Variants in GFRA2 observed in about 807,000 individuals in gnomAD.
GFRA2 encodes the protein GDNF family receptor alpha-2.
Under a neutral mutation model 48.3 loss-of-function variants are expected in GFRA2, and 17 were observed. The observed-to-expected ratio is 0.35, with a 90% CI of 0.24 to 0.53. GFRA2 has a LOEUF of 0.53. Ranked by LOEUF, GFRA2 falls within the 20% of genes least tolerant of loss-of-function variation. GFRA2 has a pLI of 0.93. For missense variants in GFRA2, 660 were observed against 637.3 expected, an observed-to-expected ratio of 1.04 and a Z score of -0.38; for synonymous variants, 305 against 257.2, an observed-to-expected ratio of 1.19 and a Z score of -1.78.
chr8:21,734,528 G>A (rs185488340), intron 4 of GFRA2, among the ~76,000 whole-genome samples: 1 of 150,262 alleles, frequency 6.7e-6, no homozygotes, highest in African/African-American at 2.4e-5. Flanking sequence ...AGGTGTTCTG[G>A]ACAGATTTGA....
At chr8:21,763,419 TC>T (rs942518250) in intron 3 of GFRA2, among the ~76,000 whole-genome samples, 23 of 152,002 alleles carry the variant, frequency 1.5e-4, no homozygotes, top group African/African-American at 4.1e-4. Flanking sequence ...ACCCTGCCAT[TC>T]CCCTCTCTCA....
At chr8:21,767,555 G>A (rs1318963296) in intron 3 of GFRA2, among the ~76,000 whole-genome samples, 1 of 152,250 alleles carries the variant, frequency 6.6e-6, no homozygotes, top group East Asian at 1.9e-4. Context: ...GCCAGGGCGT[G>A]CTCAGGGAGC....
chr8:21,728,218 T>A (rs909607862), intron 4 of GFRA2, among the ~76,000 whole-genome samples: 6 of 146,296 alleles, frequency 4.1e-5, no homozygotes, highest in African/African-American at 1.5e-4. Flanking sequence ...ACTGGATTCC[T>A]GGGCCCTACA....
chr8:21,742,096 G>C (rs1046159605), intron 4 of GFRA2, among the ~76,000 whole-genome samples: 1 of 152,144 alleles, frequency 6.6e-6, no homozygotes, highest in Non-Finnish European at 1.5e-5. Context: ...AGGGACCAGG[G>C]GAAGATACAG....
rs1161277796 is a variant in GFRA2, at chr8:21,693,190, T to C, written c.*88A>G. On this transcript the variant is annotated 3_prime_UTR_variant, in exon 9 of 9. Transcript: ENST00000524240. ...AAAACAATTTTTTTTTTGCAAGGTG[T>C]GTGTGTGTCTGTGTGTGTTTCCATT... 1.5e-6 allele frequency: 2 copies of C among 1,305,512 alleles called. No individual in the cohort carries two copies. Among genetic ancestry groups the C allele is most frequent in the South Asian group, 3.1e-5 (2 of 63,544 alleles). The allele number at this position is 1,305,512 out of a possible 1,614,324, so 80.9% of individuals were successfully genotyped here.
intron 3 of GFRA2, among the ~76,000 whole-genome samples, chr8:21,770,586 G>A (rs1806391449): frequency 6.6e-6 from 1 of 152,132 alleles, no homozygotes; most frequent in African/African-American, 2.4e-5. Flanking sequence ...CTTCAGAAAG[G>A]ATGCCCCATG....
intron 2 of GFRA2, among the ~76,000 whole-genome samples, chr8:21,779,966 T>C (rs994579282): frequency 5.3e-4 from 80 of 151,786 alleles, no homozygotes; most frequent in Non-Finnish European, 6.8e-4. Flanking sequence ...AAAGGCACCA[T>C]TCCACAGAAG....
intron 4 of GFRA2, among the ~76,000 whole-genome samples, chr8:21,739,675 C>T (rs1322360795): frequency 6.6e-6 from 1 of 152,178 alleles, no homozygotes; most frequent in African/African-American, 2.4e-5. Flanking sequence ...GGGATGCCCA[C>T]GTGGAAGGCA....
At chr8:21,717,195 C>T (rs1015400712) in intron 4 of GFRA2, among the ~76,000 whole-genome samples, 10 of 152,236 alleles carry the variant, frequency 6.6e-5, no homozygotes, top group East Asian at 1.9e-4. Flanking sequence ...AGAGCAACTC[C>T]GAAGACAGAT....
upstream of GFRA2, among the ~76,000 whole-genome samples, chr8:21,789,691 T>G (rs1345760982): frequency 1.3e-5 from 2 of 151,772 alleles, no homozygotes; most frequent in Admixed American, 1.3e-4. Context: ...CGCGCGGACC[T>G]CGGGAACTTT....
intron 4 of GFRA2, among the ~76,000 whole-genome samples, chr8:21,745,344 C>T (rs1204757514): frequency 6.6e-6 from 1 of 152,202 alleles, no homozygotes; most frequent in Non-Finnish European, 1.5e-5. Context: ...GCAGGCCTGG[C>T]TGTATCAGGG....
intron 4 of GFRA2, among the ~76,000 whole-genome samples, chr8:21,748,445 C>G (rs1805117458): frequency 6.6e-6 from 1 of 152,142 alleles, no homozygotes; most frequent in East Asian, 1.9e-4. Flanking sequence ...TTCTCGCCAC[C>G]AGGGTTCTAT....
chr8:21,745,501 T>C (rs536596395), intron 4 of GFRA2, among the ~76,000 whole-genome samples: 16 of 152,340 alleles, frequency 1.1e-4, no homozygotes, highest in African/African-American at 3.8e-4. Flanking sequence ...CAAAGGCAGG[T>C]TGGGGGTTCT....
At chr8:21,793,290 TGA>T (rs1282948973), upstream of GFRA2, among the ~76,000 whole-genome samples, 1 of 152,026 alleles carries the variant, frequency 6.6e-6, no homozygotes, top group Non-Finnish European at 1.5e-5. Context: ...GATGACTGTG[TGA>T]GGGATGGAGA....
chr8:21,746,379 C>T (rs1032282286), intron 4 of GFRA2, among the ~76,000 whole-genome samples: 4 of 152,166 alleles, frequency 2.6e-5, no homozygotes, highest in African/African-American at 7.2e-5. Flanking sequence ...CCTACCTCTT[C>T]GGGACCACAT....
intron 4 of GFRA2, among the ~76,000 whole-genome samples, chr8:21,713,943 T>C (rs1333903486): frequency 6.6e-6 from 1 of 152,148 alleles, no homozygotes; most frequent in Non-Finnish European, 1.5e-5. Context: ...AAAGCAGTGC[T>C]TTGCGCCACA....
At chr8:21,783,152 C>T in intron 1 of GFRA2, 2 of 663,496 alleles carry the variant, frequency 3.0e-6, no homozygotes, top group Middle Eastern at 2.4e-4. Context: ...CCTAGGAGCA[C>T]AGCACAATAA....
At chr8:21,811,672 T>A (rs1378806511) in intron 1 of GFRA2, among the ~76,000 whole-genome samples, 1 of 151,830 alleles carries the variant, frequency 6.6e-6, no homozygotes, top group East Asian at 1.9e-4. Flanking sequence ...TCCCCCCGCC[T>A]TCCCCACAGG....
chr8:21,733,999 G>T (rs1238140904), intron 4 of GFRA2, among the ~76,000 whole-genome samples: 11 of 152,160 alleles, frequency 7.2e-5, no homozygotes, highest in Non-Finnish European at 1.5e-4. Context: ...GGAGGGCAGG[G>T]GACCAAAACG....
Sources: gnomAD v4.1 joint callset for allele counts (sites outside exome capture counted in the v4.1 genomes callset) on GRCh38, gnomAD v4.1.1 for gene constraint, MANE v1.5 for transcripts, NCBI Gene and HGNC (gene_info 2026-07-23, HGNC 2026-07-21) for gene names.